The following TRAPPC10 variants were observed in gnomAD, a reference collection of about 807,000 sequenced individuals.
The protein encoded by TRAPPC10 is TRAPP 130 kDa subunit.
In TRAPPC10, 23 loss-of-function variants were observed where a neutral mutation model predicts 125.5. The observed-to-expected ratio is 0.18, with a 90% CI of 0.13 to 0.26. TRAPPC10 has a LOEUF of 0.26. Ranked by LOEUF, TRAPPC10 falls within the 10% of genes least tolerant of loss-of-function variation. TRAPPC10 has a pLI of 1.00. For missense variants in TRAPPC10, 1,123 were observed against 1,308.4 expected, an observed-to-expected ratio of 0.86 and a Z score of 2.19; for synonymous variants, 509 against 518.0, an observed-to-expected ratio of 0.98 and a Z score of 0.24.
intron 7 of TRAPPC10, among the ~76,000 whole-genome samples, chr21:44,074,001 C>T (rs1389160657): frequency 6.6e-6 from 1 of 151,732 alleles, no homozygotes; most frequent in Non-Finnish European, 1.5e-5. Context: ...AATTCTTTTT[C>T]TATATATATT....
intron 1 of TRAPPC10, among the ~76,000 whole-genome samples, chr21:44,013,592 C>T (rs1180168386): frequency 1.3e-5 from 2 of 152,192 alleles, no homozygotes; most frequent in African/African-American, 2.4e-5. Flanking sequence ...CGGGTGTGCA[C>T]CTGCTGTGTT....
chr21:44,067,262 G>T (rs2145954919), intron 7 of TRAPPC10, among the ~76,000 whole-genome samples: 1 of 152,296 alleles, frequency 6.6e-6, no homozygotes, highest in East Asian at 1.9e-4. Context: ...GAAGAAGAAG[G>T]TTTACAGTCA....
chr21:44,062,675 C>T, intron 6 of TRAPPC10: 1 of 985,414 alleles, frequency 1.0e-6, no homozygotes, highest in Non-Finnish European at 1.2e-6. Flanking sequence ...GTCCACTCCA[C>T]ACTGCTGGGT....
intron 3 of TRAPPC10, chr21:44,046,912 A>G (rs919096598): frequency 4.7e-6 from 4 of 843,554 alleles, no homozygotes; most frequent in Non-Finnish European, 8.2e-6. Context: ...CCACACGTCC[A>G]TGACTGGCCG....
intron 7 of TRAPPC10, among the ~76,000 whole-genome samples, chr21:44,066,504 C>CA (rs1569188109): frequency 6.6e-6 from 1 of 152,196 alleles, no homozygotes. Context: ...TCCTCCTTGA[C>CA]AGAGTATTTC....
At chr21:44,086,736 T>C (rs1394306495) in intron 15 of TRAPPC10, 66 bp from the exon 16 acceptor site, 2 of 1,564,238 alleles carry the variant, frequency 1.3e-6, no homozygotes, top group African/African-American at 1.4e-5. Context: ...TTTCACCCCA[T>C]TGCGGGCCCT....
rs2038775500 is a variant in TRAPPC10 at position 44,094,246 on chromosome 21, T to C, written c.3168+13T>C. On this transcript the variant is annotated intron_variant, in intron 20 of 22. Transcript: ENST00000291574. ...GGAAAATTTTTTTGTAAGTGATGTA[T>C]TATTTTGGGAGGGTGGGGGTGAAAA... 2 of 1,507,622 alleles carry C rather than the reference T, an allele frequency of 1.3e-6. No homozygotes were observed. The highest frequency in any genetic ancestry group is 2.3e-5 in the South Asian group (2 of 86,812). The allele number at this position is 1,507,622 out of a possible 1,614,324, so 93.4% of individuals were successfully genotyped here.
At chr21:44,091,745 T>TTTA in intron 18 of TRAPPC10, 178 bp from the exon 19 acceptor site, 1 of 609,754 alleles carries the variant, frequency 1.6e-6, no homozygotes, top group Non-Finnish European at 2.7e-6. Context: ...GCCAAAAAGG[T>TTTA]TTATTTTCTG....
At chr21:44,076,395 A>C (rs1202419701) in intron 9 of TRAPPC10, among the ~76,000 whole-genome samples, 157 bp from the exon 10 acceptor site, 1 of 152,262 alleles carries the variant, frequency 6.6e-6, no homozygotes, top group African/African-American at 2.4e-5. Context: ...TTGAAAGAGA[A>C]TGTACATAAT....
intron 2 of TRAPPC10, among the ~76,000 whole-genome samples, chr21:44,035,485 C>G (rs1271344979): frequency 6.6e-6 from 1 of 152,172 alleles, no homozygotes; most frequent in Non-Finnish European, 1.5e-5. Context: ...TTTCAGTACT[C>G]TTTGTATTGA....
At chr21:44,090,805 A>G (rs182938001) in intron 18 of TRAPPC10, among the ~76,000 whole-genome samples, 8 of 152,368 alleles carry the variant, frequency 5.3e-5, no homozygotes, top group Admixed American at 2.6e-4. Context: ...GGAACATTAT[A>G]CTAGCAGCTT....
chr21:44,066,587 G>C (rs1341348015), intron 7 of TRAPPC10, among the ~76,000 whole-genome samples: 1 of 152,022 alleles, frequency 6.6e-6, no homozygotes, highest in Non-Finnish European at 1.5e-5. Context: ...ATGTAAATTT[G>C]GAAAATAACA....
At position 44,063,325 on chromosome 21, in the gene TRAPPC10, G is replaced by A. The variant is rs952021804; in HGVS notation, c.791-213G>A. 6.6e-6 allele frequency among the ~76,000 whole-genome samples: 1 copy of A among 152,188 alleles called. No individual in the cohort carries two copies. The highest frequency in any genetic ancestry group is 2.1e-4 in the South Asian group (1 of 4,832). On this transcript the variant is annotated intron_variant, in intron 6 of 22. Transcript: ENST00000291574. The surrounding 1 kb of genome is among the most constrained non-coding windows in gnomAD (Gnocchi z 4.4). ...GCCCATGACTTTCTGGGCATGGTAG[G>A]GTGGTGTGCCTTGTTGCCTGGGTCA...
chr21:44,013,007 G>GGAA (rs2031341121), intron 1 of TRAPPC10, among the ~76,000 whole-genome samples: 1 of 152,220 alleles, frequency 6.6e-6, no homozygotes, highest in East Asian at 1.9e-4. Flanking sequence ...AGAGTTGCAG[G>GGAA]CGTTGGCGAA....
At chr21:44,089,512 G>T (rs1442182971) in intron 17 of TRAPPC10, 2 of 487,416 alleles carry the variant, frequency 4.1e-6, no homozygotes, top group African/African-American at 3.9e-5. Context: ...TGGCTCCGCG[G>T]CCCTGCGTGT....
Position 44,083,890 on chromosome 21 carries a change from T to G in TRAPPC10, c.2239-232T>G, listed in dbSNP as rs372584724. Among the ~76,000 whole-genome samples, 167 of 152,338 alleles carry G rather than the reference T, an allele frequency of 1.1e-3. 4 individuals carry two copies. The South Asian group carries it at 0.033, about 30-fold the overall frequency. On this transcript the variant is annotated intron_variant, in intron 14 of 22. Transcript: ENST00000291574. Reference sequence around the variant, plus strand: ...ACAGTTTAGATAAGTTGAAAATACCTTATTAAAGTTAAATTTAAGCATCAG... The same window carrying G: ...ACAGTTTAGATAAGTTGAAAATACCGTATTAAAGTTAAATTTAAGCATCAG...
intron 3 of TRAPPC10, among the ~76,000 whole-genome samples, chr21:44,048,063 C>T (rs2034980456): frequency 6.6e-6 from 1 of 152,190 alleles, no homozygotes; most frequent in Admixed American, 6.5e-5. Flanking sequence ...TGGGGACAGC[C>T]CTGTTCCCTG....
chr21:44,086,665 A>G, intron 15 of TRAPPC10, 137 bp from the exon 16 acceptor site: 2 of 919,280 alleles, frequency 2.2e-6, no homozygotes, highest in South Asian at 3.2e-5. Flanking sequence ...GAATGGAAGT[A>G]GAAGGAATTC....
intron 2 of TRAPPC10, among the ~76,000 whole-genome samples, chr21:44,033,876 A>G (rs1202096705): frequency 6.6e-6 from 1 of 152,004 alleles, no homozygotes; most frequent in Non-Finnish European, 1.5e-5. Context: ...AATAAATAAA[A>G]AGAAACTGTG....
Sources: allele counts gnomAD v4.1 joint callset (sites outside exome capture counted in the v4.1 genomes callset), GRCh38; gene constraint gnomAD v4.1.1; non-coding constraint Gnocchi (gnomAD v3.1); transcripts MANE v1.5; gene names NCBI Gene and HGNC (gene_info 2026-07-23, HGNC 2026-07-21).